The following CDK11B variants were observed in gnomAD, a reference collection of about 807,000 sequenced individuals.
CDK11B encodes cyclin-dependent kinase 11B.
CDK11B carries 37 observed loss-of-function variants against 84.0 expected under a neutral mutation model. The ratio of observed to expected loss-of-function variants is 0.44; its 90% CI spans 0.34 to 0.58. CDK11B has a LOEUF of 0.58. CDK11B is among the 20% of genes least tolerant of loss of function. The pLI is 0.02. For synonymous variants in CDK11B, 269 were observed against 309.8 expected (o/e 0.87, Z 1.38); for missense variants, 427 against 834.0 (o/e 0.51, Z 6.01).
At chr1:1,656,020 G>C (rs1642703443) in intron 2 of CDK11B, among the ~76,000 whole-genome samples, 1 of 152,208 alleles carries the variant, frequency 6.6e-6, no homozygotes, top group Non-Finnish European at 1.5e-5. Context: ...TCTATGCCAA[G>C]TATGTTAGTT....
intron 3 of CDK11B, among the ~76,000 whole-genome samples, chr1:1,653,176 C>T (rs1256132015): frequency 6.6e-6 from 1 of 151,508 alleles, no homozygotes; most frequent in African/African-American, 2.4e-5. Context: ...AGGCATGCGC[C>T]ACCACACCCG....
rs552409351 is a variant in CDK11B at position 1,657,214 on chromosome 1, T to C, written c.111+161A>G. 8.7e-5 allele frequency: 141 copies of C among 1,613,922 alleles called. 1 individual carries two copies. In the African/African-American group the frequency reaches 1.5e-3, roughly 17 times the overall value. The stretch of plus-strand genomic sequence containing the variant: ...TCTGCCTTTAATGTCAACTGAATAT[T>C]TGAATGTTTTTGTTAATTTTTAGAA... On this transcript the variant is annotated intron_variant, in intron 2 of 19. Transcript: ENST00000341832.
At chr1:1,654,657 T>C (rs534622044) in intron 3 of CDK11B, among the ~76,000 whole-genome samples, 1 of 129,818 alleles carries the variant, frequency 7.7e-6, no homozygotes, top group Admixed American at 7.5e-5. Context: ...AAAATCTTTT[T>C]TTTCCTTTTT....
At chr1:1,636,191 G>A in intron 18 of CDK11B, 65 bp from the exon 19 acceptor site, 1 of 792,522 alleles carries the variant, frequency 1.3e-6, no homozygotes, top group African/African-American at 1.7e-5. Context: ...CCAAAGATGG[G>A]CTGTGTTGGG....
rs782129056 is a variant in CDK11B at position 1,653,825 on chromosome 1, TAC to T, written c.228-1261_228-1260del. The stretch of plus-strand genomic sequence containing the variant: ...CAGTGAAATCCGTCTCTACTAAAAA[TAC>T]ACACACACACACACACACACACACA... On this transcript the variant is annotated intron_variant, in intron 3 of 19. Coordinates refer to ENST00000341832, the MANE Select transcript of CDK11B (RefSeq NM_033486.3). Among the ~76,000 whole-genome samples the T allele has an allele frequency of 6.4e-3, 786 of 121,864 alleles. 4 individuals are homozygous for T. Among genetic ancestry groups the T allele is most frequent in the Admixed American group, 7.2e-3 (91 of 12,680 alleles). 79.9% of individuals were successfully genotyped at this position (121,864 alleles called of 152,430 possible). A position where few individuals can be genotyped will look rare whatever the true frequency, so the allele number is the denominator to read the frequency against.
chr1:1,652,862 A>C (rs1642188786), intron 3 of CDK11B, among the ~76,000 whole-genome samples: 3 of 151,682 alleles, frequency 2.0e-5, no homozygotes, highest in Admixed American at 2.0e-4. Flanking sequence ...AGTAGCTGGG[A>C]CTACAGGCGC....
In CDK11B at chr1:1,636,781, C is replaced by A. The variant is rs748557774; in HGVS notation, c.1818G>T (p.Val606=). 6.2e-7 allele frequency: 1 copy of A among 1,613,904 alleles called. No individual in the cohort carries two copies. Among genetic ancestry groups the A allele is most frequent in the Admixed American group, 1.7e-5 (1 of 60,026 alleles). ...AGATGCAACCCACTGACCACATGTC[C>A]ACGGCCGTGGAGTATTCCTAAGAGG... ...LLGAKEYSTA[V]DMWSVGCIFG... is the part of the protein sequence containing the mutation. The change falls in exon 17 of 20, where the codon GTG becomes GTT. Residue 606 remains valine (V), a synonymous_variant. Coordinates refer to ENST00000341832, the MANE Select transcript of CDK11B (RefSeq NM_033486.3).
At chr1:1,651,169 C>G (rs1234349491) in intron 4 of CDK11B, among the ~76,000 whole-genome samples, 1 of 152,314 alleles carries the variant, frequency 6.6e-6, no homozygotes, top group African/African-American at 2.4e-5. Context: ...CTGCTCAAGC[C>G]AAACCCATTC....
chr1:1,640,276 C>T lies in CDK11B; in HGVS notation c.1251+1G>A. On this transcript the variant is annotated splice_donor_variant, in intron 11 of 19. Transcript: ENST00000341832. LOFTEE classifies it high-confidence loss of function. The stretch of plus-strand genomic sequence containing the variant: ...GGCCCGGGGCGAGGGGAGGGCCTGA[C>T]CTGCAGGGCCGGCAGGTACTTGGGC... 1 of 1,613,342 alleles carries T rather than the reference C, an allele frequency of 6.2e-7. No homozygotes were observed. Among genetic ancestry groups the T allele is most frequent in the Non-Finnish European group, 8.5e-7 (1 of 1,179,584 alleles).
intron 1 of CDK11B, among the ~76,000 whole-genome samples, chr1:1,658,154 C>T (rs1351050298): frequency 7.3e-6 from 1 of 137,910 alleles, no homozygotes; most frequent in Non-Finnish European, 1.5e-5. Context: ...AGCAAGACCC[C>T]GTCTCAAAAA....
intron 5 of CDK11B, chr1:1,646,814 T>A: frequency 1.9e-6 from 1 of 520,028 alleles, no homozygotes; most frequent in Non-Finnish European, 3.9e-6. Context: ...CTGAGCAGCT[T>A]GAGTATGCCA....
At chr1:1,656,550 G>A (rs566694314) in intron 2 of CDK11B, among the ~76,000 whole-genome samples, 80 of 152,282 alleles carry the variant, frequency 5.3e-4, no homozygotes, top group Admixed American at 3.4e-3. Context: ...AGCACTTTGG[G>A]AGGCCGAGGT....
rs1362353693 is a variant in CDK11B at position 1,637,020 on chromosome 1, G to A, written c.1693-16C>T. On this transcript the variant is annotated splice_polypyrimidine_tract_variant and intron_variant, in intron 15 of 19. Transcript: ENST00000341832. ...AGTCACCCACCTGCAACGACAGATG[G>A]GCGGCTGTGAGTGGGCCCCGGCAGG... 3 of 1,613,088 alleles carry A rather than the reference G, an allele frequency of 1.9e-6. No individual in the cohort carries two copies. Among genetic ancestry groups the A allele is most frequent in the Non-Finnish European group, 2.5e-6 (3 of 1,179,600 alleles).
intron 3 of CDK11B, chr1:1,654,272 G>C (rs1642425889): frequency 2.4e-6 from 1 of 411,924 alleles, no homozygotes; most frequent in Admixed American, 3.1e-5. Flanking sequence ...GTCTCAACAA[G>C]AACATTTCCT....
In CDK11B at chr1:1,649,536, T is replaced by A; in HGVS notation, c.457A>T (p.Arg153Ter). Reference sequence around the variant, plus strand: ...GAATGCTCCCTTGCCATCTCCCTTCTCTTCTGTCTTTCCCATTCCCGGCGA... The same window carrying A: ...GAATGCTCCCTTGCCATCTCCCTTCACTTCTGTCTTTCCCATTCCCGGCGA... ...KARREWERQK[R>*]REMAREHSRR... is the part of the protein sequence containing the mutation. The change falls in exon 5 of 20, where the codon AGA becomes TGA. Residue 153 changes from arginine to a stop codon, truncating the protein, a stop_gained. Coordinates refer to ENST00000341832, the MANE Select transcript of CDK11B (RefSeq NM_033486.3). LOFTEE classifies it high-confidence loss of function. 1.2e-6 allele frequency: 2 copies of A among 1,601,570 alleles called. No individual in the cohort carries two copies. Among genetic ancestry groups the A allele is most frequent in the Non-Finnish European group, 1.7e-6 (2 of 1,168,702 alleles).
chr1:1,654,293 A>G (rs1243673939), intron 3 of CDK11B: 5 of 394,140 alleles, frequency 1.3e-5, no homozygotes, highest in African/African-American at 4.2e-5. Context: ...TTTTTTCCAC[A>G]CAGGGTCTTG....
At position 1,658,995 on chromosome 1, in the gene CDK11B, T is replaced by C. The variant is rs1643187494; in HGVS notation, c.-95A>G. Reference sequence around the variant, plus strand: ...AACAGCAACCGGCGCGCGCCAAAAGTATCGTCACTTCCTGTATTGGCGCGT... The same window carrying C: ...AACAGCAACCGGCGCGCGCCAAAAGCATCGTCACTTCCTGTATTGGCGCGT... On this transcript the variant is annotated 5_prime_UTR_variant, in exon 1 of 20. The change creates a new upstream start codon in the 5' untranslated region. Transcript: ENST00000341832. 6 of 195,172 alleles carry C rather than the reference T, an allele frequency of 3.1e-5. No homozygotes were observed. The highest frequency in any genetic ancestry group is 6.6e-5 in the South Asian group (1 of 15,192). The allele number at this position is 195,172 out of a possible 1,614,324, so 12.1% of individuals were successfully genotyped here. A position where few individuals can be genotyped will look rare whatever the true frequency, so the allele number is the denominator to read the frequency against.
rs1639212029 is a variant in CDK11B, at chr1:1,635,999, G to C, written c.2194C>G (p.Gln732Glu). 2.5e-6 allele frequency: 1 copy of C among 405,314 alleles called. No individual in the cohort carries two copies. Among genetic ancestry groups the C allele is most frequent in the African/African-American group, 6.6e-5 (1 of 15,048 alleles). The allele number at this position is 405,314 out of a possible 1,614,324, so 25.1% of individuals were successfully genotyped here. ...GGGCTGGTGCCCCGCTTCACACGCT[G>C]CTGCTCGCTCTTGGCGGGCCACGTG... ...FPTWPAKSEQ[Q>E]RVKRGTSPRP... The change falls in exon 19 of 20, where the codon CAG (glutamine) becomes GAG (glutamate). Residue 732 changes from glutamine to glutamate, a missense_variant. By Grantham distance (29) the Gln-to-Glu change is conservative. Around this residue, in one of 12 missense-constraint regions of CDK11B, gnomAD observed 170 missense variants for 196.0 expected, o/e 0.87. Transcript: ENST00000341832.
At chr1:1,657,094 C>T (rs182938932) in intron 2 of CDK11B, among the ~76,000 whole-genome samples, 51 of 129,088 alleles carry the variant, frequency 4.0e-4, no homozygotes, top group Non-Finnish European at 3.2e-4. Context: ...ACTAATGAAC[C>T]GAGAAAAATT....
Sources: gnomAD v4.1 joint callset for allele counts (sites outside exome capture counted in the v4.1 genomes callset) on GRCh38, gnomAD v4.1.1 for gene constraint, gnomAD v4.1.1 regional missense constraint, MANE v1.5 for transcripts, NCBI Gene and HGNC (gene_info 2026-07-23, HGNC 2026-07-21) for gene names.